MKX: variants seen among roughly 807,000 people sequenced by gnomAD.
MKX encodes the protein mohawk homeobox.
A neutral mutation model predicts 36.0 loss-of-function variants in MKX; 13 were observed. That is an observed-to-expected ratio of 0.36 (90% CI 0.24 to 0.57). MKX has a LOEUF of 0.57. Ranked by LOEUF, MKX falls within the 20% of genes least tolerant of loss-of-function variation. The pLI is 0.79. For missense variants in MKX, 458 were observed against 456.4 expected (o/e 1.00, Z -0.03); for synonymous variants, 176 against 178.3 (o/e 0.99, Z 0.10).
At chr10:27,684,801 C>T (rs764021701) in intron 5 of MKX, among the ~76,000 whole-genome samples, 1 of 152,148 alleles carries the variant, frequency 6.6e-6, no homozygotes, top group Non-Finnish European at 1.5e-5. Flanking sequence ...TTTCCACAGA[C>T]CGGGGAGCGG....
intron 5 of MKX, among the ~76,000 whole-genome samples, chr10:27,731,444 C>G (rs1182903804): frequency 6.6e-6 from 1 of 152,138 alleles, no homozygotes. Flanking sequence ...AACCCAGCTA[C>G]GATTGCAGCA....
intron 2 of MKX, 90 bp downstream of exon 2, chr10:27,743,138 C>A (rs1834947688): frequency 9.4e-6 from 12 of 1,275,944 alleles, no homozygotes; most frequent in Middle Eastern, 5.5e-4. Flanking sequence ...CCCGTCCACC[C>A]GCCCGCGTTG....
chr10:27,728,226 C>T (rs974094776), intron 5 of MKX, among the ~76,000 whole-genome samples: 1 of 152,142 alleles, frequency 6.6e-6, no homozygotes, highest in African/African-American at 2.4e-5. Context: ...AATAAGTATC[C>T]GAGGTAGACT....
chr10:27,697,872 T>C (rs976778089), intron 5 of MKX, among the ~76,000 whole-genome samples: 2 of 152,130 alleles, frequency 1.3e-5, no homozygotes, highest in African/African-American at 4.8e-5. Context: ...TGAAAATTGC[T>C]CTAAAGAAGA....
chr10:27,712,011 A>T (rs1836882154), intron 5 of MKX, among the ~76,000 whole-genome samples: 1 of 152,160 alleles, frequency 6.6e-6, no homozygotes, highest in Non-Finnish European at 1.5e-5. Context: ...TTTCCATACC[A>T]ACCTCTGCTT....
chr10:27,715,603 T>A (rs1836949789), intron 5 of MKX, among the ~76,000 whole-genome samples: 1 of 152,162 alleles, frequency 6.6e-6, no homozygotes, highest in East Asian at 1.9e-4. Flanking sequence ...GAAATGAGGA[T>A]AATAAGGTAC....
intron 5 of MKX, among the ~76,000 whole-genome samples, chr10:27,729,416 T>G (rs866872346): frequency 5.4e-5 from 8 of 149,406 alleles, no homozygotes; most frequent in Admixed American, 1.4e-4. Context: ...GTGATCCCCC[T>G]GCCTCTCTCC....
chr10:27,689,877 G>A (rs1051517484), intron 5 of MKX, among the ~76,000 whole-genome samples: 5 of 152,130 alleles, frequency 3.3e-5, no homozygotes, highest in Admixed American at 2.6e-4. Context: ...AAGGAGAACC[G>A]GTTCTGGCTG....
At chr10:27,705,966 C>T (rs1836740118) in intron 5 of MKX, among the ~76,000 whole-genome samples, 2 of 152,222 alleles carry the variant, frequency 1.3e-5, no homozygotes, top group Admixed American at 6.5e-5. Flanking sequence ...ACCATTACCA[C>T]TATCCATCTC....
intron 5 of MKX, among the ~76,000 whole-genome samples, chr10:27,683,023 G>A (rs182395491): frequency 4.6e-5 from 7 of 151,908 alleles, no homozygotes; most frequent in African/African-American, 9.6e-5. Context: ...AAAAAGAAGC[G>A]CACAACTACA....
intron 5 of MKX, among the ~76,000 whole-genome samples, chr10:27,677,222 G>T (rs1160033424): frequency 6.6e-6 from 1 of 152,150 alleles, no homozygotes; most frequent in East Asian, 1.9e-4. Context: ...AGGAAACCTG[G>T]AAAACGCAAG....
Position 27,734,657 on chromosome 10 carries a change from C to T in MKX, c.637G>A (p.Val213Met), listed in dbSNP as rs779624616. ...CTGCTCTTGTATTTGGGGGGTGCCACGTAGTCCTCACTGGCCCGTGACTCT... is the reference window on the plus strand; with the variant it reads ...CTGCTCTTGTATTTGGGGGGTGCCATGTAGTCCTCACTGGCCCGTGACTCT... ...RPESRASEDY[V>M]APPKYKSSLL... The change falls in exon 5 of 7, where the codon GTG becomes ATG. Residue 213 changes from valine to methionine, a missense_variant. Coordinates refer to ENST00000419761, the MANE Select transcript of MKX (RefSeq NM_173576.3). The T allele has an allele frequency of 2.7e-5, 44 of 1,613,978 alleles. No individual in the cohort carries two copies. The highest frequency in any genetic ancestry group is 3.4e-5 in the Non-Finnish European group (40 of 1,180,028).
In MKX at chr10:27,742,961, C is replaced by T. The variant is rs1415954017; in HGVS notation, c.188+267G>A. 6.6e-6 allele frequency among the ~76,000 whole-genome samples: 1 copy of T among 152,264 alleles called. No individual in the cohort carries two copies. The highest frequency in any genetic ancestry group is 1.5e-5 in the Non-Finnish European group (1 of 68,048). Reference sequence around the variant, plus strand: ...ATAACCCCCAACTCCGAGGTCCAGGCAGCGGAGGGCCGAGGGGCAGCTCCT... The same window carrying T: ...ATAACCCCCAACTCCGAGGTCCAGGTAGCGGAGGGCCGAGGGGCAGCTCCT... On this transcript the variant is annotated intron_variant, in intron 2 of 6. Transcript: ENST00000419761. This position sits in a 1 kb window ranked among gnomAD's most constrained non-coding sequence, Gnocchi z 4.2.
Position 27,741,036 on chromosome 10 carries a change from G to A in MKX, c.348+309C>T, listed in dbSNP as rs1834881665. Among the ~76,000 whole-genome samples the A allele has an allele frequency of 6.6e-6, 1 of 152,188 alleles. No homozygotes were observed. ...GACCTGCTGAATCCGAAACTCGGAG[G>A]TGGGGCCTAGCGATTCGTGTTTTAA... On this transcript the variant is annotated intron_variant, in intron 3 of 6. Transcript: ENST00000419761. The surrounding 1 kb of genome is among the most constrained non-coding windows in gnomAD (Gnocchi z 5.1).
intron 5 of MKX, among the ~76,000 whole-genome samples, chr10:27,724,823 T>C (rs1834454934): frequency 2.0e-5 from 3 of 151,186 alleles, no homozygotes; most frequent in Admixed American, 2.0e-4. Context: ...CCAGTATTAA[T>C]GGTGTGGGAT....
At chr10:27,716,289 C>T (rs1307600561) in intron 5 of MKX, among the ~76,000 whole-genome samples, 1 of 151,822 alleles carries the variant, frequency 6.6e-6, no homozygotes, top group Non-Finnish European at 1.5e-5. Context: ...TAGCCAGCTA[C>T]CTTAGAAGCA....
intron 5 of MKX, 46 bp from the exon 6 acceptor site, chr10:27,675,600 C>T (rs755961487): frequency 1.9e-6 from 3 of 1,567,104 alleles, no homozygotes; most frequent in Non-Finnish European, 2.6e-6. Flanking sequence ...TTTTTCCTTT[C>T]TTTTCTCATC....
chr10:27,680,010 C>A (rs1407504711), intron 5 of MKX, among the ~76,000 whole-genome samples: 1 of 152,010 alleles, frequency 6.6e-6, no homozygotes, highest in African/African-American at 2.4e-5. Flanking sequence ...CGGCTCCACT[C>A]GAGAAGTGGC....
intron 5 of MKX, among the ~76,000 whole-genome samples, chr10:27,688,442 C>T (rs976700862): frequency 6.6e-5 from 10 of 152,196 alleles, no homozygotes; most frequent in Admixed American, 6.5e-5. Flanking sequence ...CAAAACACCA[C>T]AACATGCCAA....
Sources: gnomAD v4.1 joint callset for allele counts (sites outside exome capture counted in the v4.1 genomes callset) on GRCh38, gnomAD v4.1.1 for gene constraint, Gnocchi (gnomAD v3.1) non-coding constraint, MANE v1.5 for transcripts, NCBI Gene and HGNC (gene_info 2026-07-23, HGNC 2026-07-21) for gene names.